The following STARD13 variants were observed in gnomAD, a reference collection of about 807,000 sequenced individuals.
The protein encoded by STARD13 is StAR related lipid transfer domain containing 13, also known as stAR-related lipid transfer protein 13.
Under a neutral mutation model 106.4 loss-of-function variants are expected in STARD13, and 62 were observed. That is an observed-to-expected ratio of 0.58 (90% CI 0.48 to 0.72). STARD13 has a LOEUF of 0.72. STARD13 is among the 30% of genes least tolerant of loss of function. The probability of loss-of-function intolerance (pLI) is 0.00; values close to 1 mark genes in which losing one functional copy is unlikely to be tolerated. For synonymous variants in STARD13, 565 were observed against 553.0 expected (o/e 1.02, Z -0.31); for missense variants, 1,387 against 1,424.0 (o/e 0.97, Z 0.42).
chr13:33,365,699 G>T, the STARD13 span, among the ~76,000 whole-genome samples: 1 of 152,208 alleles, frequency 6.6e-6, no homozygotes, highest in Non-Finnish European at 1.5e-5. Flanking sequence ...AATAAATCAT[G>T]CTCACTGTAA....
chr13:33,610,170 G>T, the STARD13 span, among the ~76,000 whole-genome samples: 1 of 152,008 alleles, frequency 6.6e-6, no homozygotes, highest in Non-Finnish European at 1.5e-5. Context: ...AACCATGCAA[G>T]ATCATATTTA....
the STARD13 span, among the ~76,000 whole-genome samples, chr13:33,399,683 AG>A: frequency 2.1e-5 from 3 of 140,710 alleles, no homozygotes; most frequent in Non-Finnish European, 4.6e-5. Flanking sequence ...CCTGGGAGAC[AG>A]AGCAAGACTC....
chr13:33,142,247 T>C, intron 4 of STARD13, 63 bp downstream of exon 4: 1 of 1,260,340 alleles, frequency 7.9e-7, no homozygotes, highest in East Asian at 2.3e-5. Context: ...GTTGCTCAGA[T>C]TGATCTCAAA....
chr13:33,302,367 C>T (rs1308630411), intron 1 of STARD13, among the ~76,000 whole-genome samples: 2 of 152,188 alleles, frequency 1.3e-5, no homozygotes, highest in African/African-American at 4.8e-5. Flanking sequence ...AAGGGCTTTA[C>T]ATACATATAT....
At chr13:33,622,992 A>G in the STARD13 span, among the ~76,000 whole-genome samples, 13 of 149,202 alleles carry the variant, frequency 8.7e-5, no homozygotes, top group African/African-American at 2.5e-4. Flanking sequence ...CCAGCTACTC[A>G]GGAGGCTGAG....
At chr13:33,350,727 T>G, upstream of STARD13, 3 of 843,476 alleles carry the variant, frequency 3.6e-6, no homozygotes, top group Non-Finnish European at 4.1e-6. Flanking sequence ...CTCCCTCCCC[T>G]GCCCTCCCCC....
chr13:33,429,032 G>A, the STARD13 span, among the ~76,000 whole-genome samples: 2 of 152,144 alleles, frequency 1.3e-5, no homozygotes, highest in African/African-American at 4.8e-5. Flanking sequence ...AACAAATGCT[G>A]GCGTGAATGT....
the STARD13 span, among the ~76,000 whole-genome samples, chr13:33,621,667 G>A: frequency 6.7e-4 from 71 of 106,544 alleles, no homozygotes; most frequent in African/African-American, 2.3e-3. Context: ...GCGACAGAGC[G>A]AGACTCAGTC....
the STARD13 span, among the ~76,000 whole-genome samples, chr13:33,439,056 G>A: frequency 6.6e-6 from 1 of 152,198 alleles, no homozygotes; most frequent in Non-Finnish European, 1.5e-5. Context: ...CTATGTATAA[G>A]CATGTAAATG....
chr13:33,109,738 G>A (rs2138063385), intron 12 of STARD13, 135 bp downstream of exon 12: 2 of 769,112 alleles, frequency 2.6e-6, no homozygotes, highest in East Asian at 2.7e-5. Context: ...AGATGTCACT[G>A]AGGGAAACAA....
chr13:33,403,848 A>G, the STARD13 span, among the ~76,000 whole-genome samples: 2 of 152,176 alleles, frequency 1.3e-5, no homozygotes, highest in African/African-American at 4.8e-5. Context: ...AATACCCAGA[A>G]CCTTCACTTG....
chr13:33,365,522 T>C, the STARD13 span, among the ~76,000 whole-genome samples: 1 of 152,068 alleles, frequency 6.6e-6, no homozygotes, highest in Non-Finnish European at 1.5e-5. Context: ...GTAAGGCGGG[T>C]AGCAAGACTT....
At chr13:33,369,631 C>T in the STARD13 span, among the ~76,000 whole-genome samples, 3 of 152,140 alleles carry the variant, frequency 2.0e-5, no homozygotes, top group South Asian at 2.1e-4. Flanking sequence ...TAGGCTTGTA[C>T]AAAGGATCTG....
In STARD13 at chr13:33,129,711, C is replaced by T; in HGVS notation, c.966G>A (p.Gly322=). The T allele has an allele frequency of 6.2e-7, 1 of 1,614,064 alleles. No individual in the cohort carries two copies. ...CACTCGACTTGCCAGAGCATGGGAG[C>T]CCTTTTCTGCAGGCAGGTGGCGGCG... ...QNSPPPACRK[G]LPCSGKSSGE... Residue 322 remains glycine (G), a synonymous_variant, in exon 5 of 14, where the codon GGG becomes GGA. Transcript: ENST00000336934.
the STARD13 span, among the ~76,000 whole-genome samples, chr13:33,632,294 C>G: frequency 2.0e-5 from 3 of 152,192 alleles, no homozygotes; most frequent in African/African-American, 7.2e-5. Flanking sequence ...TACATTCTAG[C>G]CTAGTGAGCC....
At chr13:33,360,726 A>ATTCCTTCTGTGTAGACAGAAGGAAT in the STARD13 span, among the ~76,000 whole-genome samples, 24 of 134,620 alleles carry the variant, frequency 1.8e-4, no homozygotes, top group Admixed American at 5.0e-4. Flanking sequence ...AGACAGAAGG[A>ATTCCTTCTGTGTAGACAGAAGGAAT]CATATTGTTG....
chr13:33,289,519 G>A (rs866984983), upstream of STARD13, among the ~76,000 whole-genome samples: 14 of 152,160 alleles, frequency 9.2e-5, no homozygotes, highest in African/African-American at 3.4e-4. Flanking sequence ...GAGCCTTTGT[G>A]CATCTCCAAG....
At chr13:33,551,508 G>C in the STARD13 span, among the ~76,000 whole-genome samples, 7,070 of 144,464 alleles carry the variant, frequency 0.049, 257 homozygotes, top group Middle Eastern at 0.12. Flanking sequence ...TTGTCAGGCT[G>C]GATTTTGAAA....
chr13:33,287,622 A>T (rs1892123073), upstream of STARD13, among the ~76,000 whole-genome samples: 1 of 151,720 alleles, frequency 6.6e-6, no homozygotes, highest in Non-Finnish European at 1.5e-5. Context: ...AAGGTCGAGC[A>T]CCATATTGCA....
Sources: allele counts gnomAD v4.1 joint callset (sites outside exome capture counted in the v4.1 genomes callset), GRCh38; gene constraint gnomAD v4.1.1; transcripts MANE v1.5; gene names NCBI Gene and HGNC (gene_info 2026-07-23, HGNC 2026-07-21).